Variants in TCERG1 observed in about 807,000 individuals in gnomAD.
The protein encoded by TCERG1 is TATA box binding protein (TBP)-associated factor, RNA polymerase II, S, 150kD.
A neutral mutation model predicts 144.7 loss-of-function variants in TCERG1; 37 were observed. The ratio of observed to expected loss-of-function variants is 0.26; its 90% CI spans 0.20 to 0.34. TCERG1 has a LOEUF of 0.34. TCERG1 is among the 10% of genes least tolerant of loss of function. TCERG1 has a pLI of 1.00. For missense variants in TCERG1, 1,027 were observed against 1,380.7 expected (o/e 0.74, Z 4.06); for synonymous variants, 492 against 458.2 (o/e 1.07, Z -0.94).
chr5:146,463,339 C>G (rs538495860), intron 4 of TCERG1, among the ~76,000 whole-genome samples: 132 of 152,218 alleles, frequency 8.7e-4, no homozygotes, highest in African/African-American at 3.1e-3. Flanking sequence ...GATTTTTACT[C>G]CTATATGTTT....
intron 15 of TCERG1, among the ~76,000 whole-genome samples, chr5:146,484,015 A>G (rs1265126711): frequency 6.6e-6 from 1 of 152,180 alleles, no homozygotes. Context: ...AATCCCAACT[A>G]ATAGATATGA....
intron 22 of TCERG1, chr5:146,509,971 G>A (rs1768335597): frequency 8.9e-7 from 1 of 1,121,038 alleles, no homozygotes; most frequent in Non-Finnish European, 1.2e-6. Flanking sequence ...TAGATATTTT[G>A]TCATTTGGAT....
intron 9 of TCERG1, among the ~76,000 whole-genome samples, chr5:146,474,975 T>C (rs1048430443): frequency 1.3e-5 from 2 of 152,196 alleles, no homozygotes; most frequent in Admixed American, 6.5e-5. Flanking sequence ...GAGGTACGCC[T>C]GTCTACTTCT....
At chr5:146,470,415 G>A (rs1764182692) in intron 7 of TCERG1, among the ~76,000 whole-genome samples, 1 of 152,120 alleles carries the variant, frequency 6.6e-6, no homozygotes, top group South Asian at 2.1e-4. Flanking sequence ...ATGTGCCTTC[G>A]AAGTCAGTAG....
intron 13 of TCERG1, chr5:146,481,959 T>C (rs1033801119): frequency 6.6e-6 from 1 of 152,170 alleles, no homozygotes; most frequent in Non-Finnish European, 1.5e-5. Flanking sequence ...CATGTTGCTC[T>C]CTGGGACCTG....
At chr5:146,498,734 G>C (rs1412093269) in intron 17 of TCERG1, 48 bp downstream of exon 17, 1 of 1,572,780 alleles carries the variant, frequency 6.4e-7, no homozygotes, top group South Asian at 1.2e-5. Context: ...AGTGTGAATG[G>C]GAAAGGTCTA....
chr5:146,470,735 A>T lies in TCERG1; in HGVS notation c.1499A>T (p.Lys500Met). ...GAGGATCCTAAAGAAGAGCCTATAA[A>T]GGAGATAAAGGAGGTAAAGGGCCAT... ...EEEDPKEEPI[K>M]EIKEEPKEEE... Residue 500 changes from lysine (K) to methionine (M), a missense_variant, in exon 8 of 23, where the codon AAG becomes ATG. Lys to Met is a moderately conservative substitution (Grantham distance 95, BLOSUM62 -1). Around this residue, in one of 6 missense-constraint regions of TCERG1, gnomAD observed 482 missense variants for 632.6 expected, o/e 0.76. Transcript: ENST00000679501. 1 of 1,610,876 alleles carries T rather than the reference A, an allele frequency of 6.2e-7. No homozygotes were observed. Among genetic ancestry groups the T allele is most frequent in the Non-Finnish European group, 8.5e-7 (1 of 1,179,130 alleles).
chr5:146,448,100 T>C (rs1762052289), intron 1 of TCERG1, among the ~76,000 whole-genome samples: 1 of 152,188 alleles, frequency 6.6e-6, no homozygotes, highest in Non-Finnish European at 1.5e-5. Context: ...TAGTTGCTAT[T>C]AACATTTTGC....
At chr5:146,494,858 G>T (rs1221962606) in intron 16 of TCERG1, among the ~76,000 whole-genome samples, 6 of 151,952 alleles carry the variant, frequency 3.9e-5, no homozygotes, top group Non-Finnish European at 5.9e-5. Flanking sequence ...TCAGTTTCTG[G>T]TCACTACTAT....
At chr5:146,494,948 C>T (rs1766752115) in intron 16 of TCERG1, among the ~76,000 whole-genome samples, 1 of 152,106 alleles carries the variant, frequency 6.6e-6, no homozygotes. Flanking sequence ...GTAGTTTTTT[C>T]ACAGTTAAGA....
intron 16 of TCERG1, among the ~76,000 whole-genome samples, chr5:146,496,369 A>G (rs1235723210): frequency 6.6e-6 from 1 of 152,130 alleles, no homozygotes; most frequent in Non-Finnish European, 1.5e-5. Context: ...TTCTAATCAC[A>G]CATATATTAG....
At chr5:146,456,987 T>C (rs1762883284) in intron 2 of TCERG1, among the ~76,000 whole-genome samples, 196 bp from the exon 3 acceptor site, 1 of 152,208 alleles carries the variant, frequency 6.6e-6, no homozygotes, top group Non-Finnish European at 1.5e-5. Flanking sequence ...TTGACCACTA[T>C]TAGTAGTTTG....
At chr5:146,483,201 A>G (rs940525993) in intron 14 of TCERG1, among the ~76,000 whole-genome samples, 29 of 152,354 alleles carry the variant, frequency 1.9e-4, no homozygotes, top group African/African-American at 6.7e-4. Flanking sequence ...TTAAATCACA[A>G]CATTGTTCAC....
At chr5:146,509,550 T>C (rs1479792057) in intron 22 of TCERG1, among the ~76,000 whole-genome samples, 2 of 151,990 alleles carry the variant, frequency 1.3e-5, no homozygotes, top group Non-Finnish European at 2.9e-5. Flanking sequence ...ATATAAGAAT[T>C]GTATTTCATG....
intron 15 of TCERG1, 138 bp downstream of exon 15, chr5:146,483,767 T>G (rs1181080636): frequency 3.2e-6 from 2 of 618,048 alleles, no homozygotes; most frequent in Non-Finnish European, 5.3e-6. Context: ...GAACATATTA[T>G]GTGTCTGTGT....
At chr5:146,457,930 A>T (rs1581388166) in intron 3 of TCERG1, among the ~76,000 whole-genome samples, 1 of 152,140 alleles carries the variant, frequency 6.6e-6, no homozygotes, top group Non-Finnish European at 1.5e-5. Flanking sequence ...GTTCACTGCA[A>T]CCTCTGCCTC....
In TCERG1 at chr5:146,504,019, C is replaced by A; in HGVS notation, c.2781+13C>A. 5 of 1,500,082 alleles carry A rather than the reference C, an allele frequency of 3.3e-6. No homozygotes were observed. Among genetic ancestry groups the A allele is most frequent in the Non-Finnish European group, 4.4e-6 (5 of 1,124,954 alleles). 92.9% of individuals were successfully genotyped at this position (1,500,082 alleles called of 1,614,324 possible). A position where few individuals can be genotyped will look rare whatever the true frequency, so the allele number is the denominator to read the frequency against. ...TCTGTCTGACATGGTATACGTTAAT[C>A]TTTTACTTTTTTTCTCTAAAGTACT... is the stretch of plus-strand genomic sequence containing the variant. On this transcript the variant is annotated intron_variant, in intron 19 of 22. Transcript: ENST00000679501.
chr5:146,493,136 G>C, intron 16 of TCERG1, 98 bp downstream of exon 16: 1 of 837,870 alleles, frequency 1.2e-6, no homozygotes, highest in Non-Finnish European at 1.8e-6. Context: ...GACTATTTGG[G>C]CACTAAAAGC....
chr5:146,501,411 T>C (rs538841333), intron 17 of TCERG1, among the ~76,000 whole-genome samples: 4 of 152,344 alleles, frequency 2.6e-5, no homozygotes, highest in Admixed American at 6.5e-5. Flanking sequence ...AGTTAAAGTT[T>C]AATTTTATTT....
Sources: gnomAD v4.1 joint callset for allele counts (sites outside exome capture counted in the v4.1 genomes callset) on GRCh38, gnomAD v4.1.1 for gene constraint, gnomAD v4.1.1 regional missense constraint, MANE v1.5 for transcripts, NCBI Gene and HGNC (gene_info 2026-07-23, HGNC 2026-07-21) for gene names.